Variants in SOS2 observed in about 807,000 individuals in gnomAD.
The protein encoded by SOS2 is SOS Ras/Rho guanine nucleotide exchange factor 2.
In SOS2, 65 loss-of-function variants were observed where a neutral mutation model predicts 148.2. That is an observed-to-expected ratio of 0.44 (90% CI 0.36 to 0.54). SOS2 has a LOEUF of 0.54. Among genes scored for constraint, SOS2 ranks in the 20% least tolerant of loss-of-function variants. The probability of loss-of-function intolerance (pLI) is 0.00; values close to 1 mark genes in which losing one functional copy is unlikely to be tolerated. For synonymous variants in SOS2, 539 were observed against 537.1 expected, an observed-to-expected ratio of 1.00 and a Z score of -0.05; for missense variants, 1,341 against 1,590.2, an observed-to-expected ratio of 0.84 and a Z score of 2.67.
In SOS2 at chr14:50,118,441, T is replaced by C. The variant is rs759124324; in HGVS notation, c.3902A>G (p.His1301Arg). The C allele has an allele frequency of 3.0e-5, 49 of 1,613,980 alleles. No homozygotes were observed. Among genetic ancestry groups the C allele is most frequent in the Non-Finnish European group, 3.2e-5 (38 of 1,179,966 alleles). ...PVPPRQNSSP[H>R]LPKLPPKTYK... ...AGTCTTTGGTGGCAGTTTTGGCAGA[T>C]GAGGGCTTGAATTCTGCCTTGGTGG... Residue 1301 changes from histidine (H) to arginine (R), a missense_variant, in exon 23 of 23, where the codon CAT becomes CGT. Around this residue, in one of 4 missense-constraint regions of SOS2, gnomAD observed 354 missense variants for 347.7 expected, o/e 1.02. Transcript: ENST00000216373.
At chr14:50,178,670 GCATATA>G (rs1417411202) in intron 7 of SOS2, among the ~76,000 whole-genome samples, 4,575 of 67,978 alleles carry the variant, frequency 0.067, 170 homozygotes, top group Non-Finnish European at 0.12. Flanking sequence ...GTGTGTGTGT[GCATATA>G]TATATATATA....
chr14:50,178,679 T>C lies in SOS2; in HGVS notation c.969+1893A>G, dbSNP rs1419264799. ...GTGTGTGTGTGTGTGTGCATATATA[T>C]ATATATATATATATATATATATATA... On this transcript the variant is annotated intron_variant, in intron 7 of 22. Transcript: ENST00000216373. Among the ~76,000 whole-genome samples, 28 of 3,272 alleles carry C rather than the reference T, an allele frequency of 8.6e-3. 1 individual carries two copies. Among genetic ancestry groups the C allele is most frequent in the African/African-American group, 0.025 (27 of 1,086 alleles). 2.1% of individuals were successfully genotyped at this position (3,272 alleles called of 152,430 possible). A position where few individuals can be genotyped will look rare whatever the true frequency, so the allele number is the denominator to read the frequency against.
intron 8 of SOS2, among the ~76,000 whole-genome samples, chr14:50,172,374 TAC>T (rs1656825395): frequency 6.6e-6 from 1 of 151,412 alleles, no homozygotes; most frequent in South Asian, 2.1e-4. Context: ...TTCTAACGGT[TAC>T]AGTTTCATTG....
intron 7 of SOS2, among the ~76,000 whole-genome samples, chr14:50,178,504 C>G (rs1008405901): frequency 6.6e-6 from 1 of 151,584 alleles, no homozygotes; most frequent in Non-Finnish European, 1.5e-5. Flanking sequence ...CACTCTGTAG[C>G]CCAGGCTTGA....
chr14:50,208,239 GT>G (rs1193953972), intron 1 of SOS2, among the ~76,000 whole-genome samples: 2 of 152,172 alleles, frequency 1.3e-5, no homozygotes, highest in East Asian at 3.9e-4. Context: ...GGAGGTTGCA[GT>G]GAGCCGAGAT....
intron 22 of SOS2, 42 bp downstream of exon 22, chr14:50,120,233 T>C (rs1419259002): frequency 2.2e-6 from 2 of 894,484 alleles, no homozygotes; most frequent in Middle Eastern, 2.2e-4. Context: ...ATTTTGAAGA[T>C]TCACAACTTT....
At position 50,118,840 on chromosome 14, in the gene SOS2, G is replaced by T. The variant is rs143166880; in HGVS notation, c.3503C>A (p.Ser1168Tyr). ...TGGAATAGCAGGAGGATCATCATCA[G>T]ATTTCATATTTCCCTCAAAAAAAAA... ...DASNSKGNMK[S>Y]DDDPPAIPPR... The change falls in exon 23 of 23, where the codon TCT becomes TAT. Residue 1168 changes from serine (S) to tyrosine (Y), a missense_variant. By Grantham distance (144) the Ser-to-Tyr change is moderately radical (BLOSUM62 -2). This residue lies in a region of SOS2 where 354 missense variants were observed against 347.7 expected (regional missense o/e 1.02). Coordinates refer to ENST00000216373, the MANE Select transcript of SOS2 (RefSeq NM_006939.4). The T allele has an allele frequency of 5.3e-5, 74 of 1,385,096 alleles. No homozygotes were observed. The African/African-American group carries it at 1.1e-3, about 20-fold the overall frequency. The allele number at this position is 1,385,096 out of a possible 1,614,324, so 85.8% of individuals were successfully genotyped here.
rs1053118797 is a variant in SOS2 at position 50,118,550 on chromosome 14, T to C, written c.3793A>G (p.Thr1265Ala). 5.6e-6 allele frequency: 9 copies of C among 1,613,920 alleles called. No individual in the cohort carries two copies. The African/African-American group carries it at 1.2e-4, about 22-fold the overall frequency. The part of the protein sequence containing the change: ...CPNSPSTPPS[T>A]PSPRVPRRCY... ...CGACGCGGTACCCTTGGAGAGGGTG[T>C]GCTAGGAGGAGTGCTTGGCGAATTT... Residue 1265 changes from threonine to alanine, a missense_variant, in exon 23 of 23, where the codon ACA becomes GCA. By Grantham distance (58) the Thr-to-Ala change is moderately conservative. Coordinates refer to ENST00000216373, the MANE Select transcript of SOS2 (RefSeq NM_006939.4).
chr14:50,195,859 T>C (rs1886294267), intron 4 of SOS2, among the ~76,000 whole-genome samples: 2 of 151,796 alleles, frequency 1.3e-5, no homozygotes, highest in Admixed American at 1.3e-4. Context: ...TGAAACCCCG[T>C]CTACTAAAAA....
chr14:50,192,820 C>T (rs1355605064), intron 4 of SOS2, among the ~76,000 whole-genome samples: 13 of 151,902 alleles, frequency 8.6e-5, no homozygotes, highest in Middle Eastern at 3.4e-3. Flanking sequence ...GCCAAGATCA[C>T]GCCATTATAC....
chr14:50,160,066 T>C lies in SOS2; in HGVS notation c.1217A>G (p.Tyr406Cys), dbSNP rs1263023083. The change falls in exon 10 of 23, where the codon TAT becomes TGT. Residue 406 changes from tyrosine (Y) to cysteine (C), a missense_variant. Tyr to Cys is a radical substitution (Grantham distance 194). Coordinates refer to ENST00000216373, the MANE Select transcript of SOS2 (RefSeq NM_006939.4). ...GTGTTTGCTTCTTAATTGGTGACTA[T>C]AAAAAGGGCAAACAGGATCTCTAGA... The part of the protein sequence containing the change: ...RRPGDPVCPF[Y>C]SHQLRSKHLA... 6 of 1,612,130 alleles carry C rather than the reference T, an allele frequency of 3.7e-6. No individual in the cohort carries two copies. Among genetic ancestry groups the C allele is most frequent in the Middle Eastern group, 1.7e-4 (1 of 6,048 alleles).
intron 1 of SOS2, among the ~76,000 whole-genome samples, chr14:50,212,467 C>T (rs1566482595): frequency 6.6e-6 from 1 of 152,026 alleles, no homozygotes; most frequent in Non-Finnish European, 1.5e-5. Context: ...AGCGAGACTC[C>T]GTCTCAAAAA....
In SOS2 at chr14:50,123,927, G is replaced by A. The variant is rs79358213; in HGVS notation, c.3380-3543C>T. Among the ~76,000 whole-genome samples the A allele has an allele frequency of 7.1e-4, 108 of 152,250 alleles. No homozygotes were observed. In the East Asian group the frequency reaches 0.017, roughly 25 times the overall value. On this transcript the variant is annotated intron_variant, in intron 21 of 22. Coordinates refer to ENST00000216373, the MANE Select transcript of SOS2 (RefSeq NM_006939.4). The stretch of plus-strand genomic sequence containing the variant: ...GATTTGTTGATAGGTCACATTTGGC[G>A]TGTGAGAAAGGGAGAGAAGTAAAAG...
At chr14:50,186,092 A>C (rs545578833) in intron 5 of SOS2, among the ~76,000 whole-genome samples, 113 of 152,322 alleles carry the variant, frequency 7.4e-4, no homozygotes, top group Non-Finnish European at 1.2e-3. Context: ...GGAGTAACTT[A>C]AGATCATTTT....
At chr14:50,172,823 G>A (rs1162167121) in intron 8 of SOS2, among the ~76,000 whole-genome samples, 1 of 152,128 alleles carries the variant, frequency 6.6e-6, no homozygotes, top group African/African-American at 2.4e-5. Context: ...AGGCAGGAGT[G>A]ATTACCAAAG....
intron 8 of SOS2, among the ~76,000 whole-genome samples, chr14:50,162,707 T>C (rs956304876): frequency 6.6e-6 from 1 of 152,162 alleles, no homozygotes; most frequent in Non-Finnish European, 1.5e-5. Flanking sequence ...CAATATGAAA[T>C]GTCAAGAAAC....
intron 5 of SOS2, among the ~76,000 whole-genome samples, chr14:50,185,691 C>CAA (rs1374798483): frequency 3.5e-4 from 29 of 83,102 alleles, no homozygotes; most frequent in African/African-American, 4.8e-4. Flanking sequence ...GACTCTGTCT[C>CAA]AAAAAAAAAA....
intron 1 of SOS2, among the ~76,000 whole-genome samples, chr14:50,229,288 A>G (rs1442783813): frequency 6.6e-6 from 1 of 152,208 alleles, no homozygotes; most frequent in Non-Finnish European, 1.5e-5. Context: ...TCACAACAGT[A>G]AGTTAATAGA....
At chr14:50,216,161 A>T (rs940241824) in intron 1 of SOS2, among the ~76,000 whole-genome samples, 3 of 151,294 alleles carry the variant, frequency 2.0e-5, no homozygotes, top group African/African-American at 7.3e-5. Flanking sequence ...AGTGGCAGCA[A>T]TCTTGGCTCA....
Sources: allele counts gnomAD v4.1 joint callset (sites outside exome capture counted in the v4.1 genomes callset), GRCh38; gene constraint gnomAD v4.1.1; regional missense constraint gnomAD v4.1.1; transcripts MANE v1.5; gene names NCBI Gene and HGNC (gene_info 2026-07-23, HGNC 2026-07-21).